Variants in SBNO2 observed in about 807,000 individuals in gnomAD.
SBNO2 encodes protein strawberry notch homolog 2.
Under a neutral mutation model 146.3 loss-of-function variants are expected in SBNO2, and 89 were observed. That is an observed-to-expected ratio of 0.61 (90% CI 0.51 to 0.73). The LOEUF (loss-of-function observed/expected upper bound fraction) is 0.73. Among genes scored for constraint, SBNO2 ranks in the 30% least tolerant of loss-of-function variants. The pLI, the probability that SBNO2 is intolerant of heterozygous loss-of-function variation, is 0.00. For synonymous variants in SBNO2, 1,147 were observed against 892.6 expected (o/e 1.29, Z -5.08); for missense variants, 2,092 against 2,003.7 (o/e 1.04, Z -0.84).
chr19:1,132,242 G>C (rs773346750), intron 4 of SBNO2: 41 of 1,302,534 alleles, frequency 3.1e-5, no homozygotes, highest in Admixed American at 4.1e-5. Context: ...GGGCGGACGG[G>C]GGCGGCTCTC....
chr19:1,172,783 C>CA (rs1173690865), intron 1 of SBNO2, among the ~76,000 whole-genome samples: 2 of 87,066 alleles, frequency 2.3e-5, no homozygotes, highest in African/African-American at 1.1e-4. Context: ...CAACCGCCCC[C>CA]CCCGCCCCGG....
intron 1 of SBNO2, among the ~76,000 whole-genome samples, chr19:1,172,786 C>T (rs865906110): frequency 1.1e-5 from 1 of 93,420 alleles, no homozygotes; most frequent in Non-Finnish European, 2.2e-5. Context: ...CCGCCCCCCC[C>T]GCCCCGGCAA....
Position 1,109,436 on chromosome 19 carries a change from G to C in SBNO2, c.3217-13C>G, listed in dbSNP as rs751306651. The stretch of plus-strand genomic sequence containing the variant: ...TGTTACCGCGGACCTGCGGAGGGGG[G>C]CGTTGAGGCCGCGCCCCGGTCCGCC... On this transcript the variant is annotated splice_polypyrimidine_tract_variant and intron_variant, in intron 28 of 31. Transcript: ENST00000361757. This position sits in a 1 kb window ranked among gnomAD's most constrained non-coding sequence, Gnocchi z 4.2. The C allele has an allele frequency of 7.7e-6, 12 of 1,563,540 alleles. No homozygotes were observed. The highest frequency in any genetic ancestry group is 1.0e-5 in the Non-Finnish European group (12 of 1,155,266).
rs567494580 is a variant in SBNO2 at position 1,110,897 on chromosome 19, G to A, written c.2885-9C>T. ...CTTGGTGATGGAACAGTCTGGTAGG[G>A]GAGGGAGCCAAGCCTCAGGCTGCGC... On this transcript the variant is annotated splice_polypyrimidine_tract_variant and intron_variant, in intron 25 of 31. Transcript: ENST00000361757. This position sits in a 1 kb window ranked among gnomAD's most constrained non-coding sequence, Gnocchi z 4.9. The A allele has an allele frequency of 9.9e-6, 16 of 1,613,164 alleles. No homozygotes were observed. The highest frequency in any genetic ancestry group is 1.4e-5 in the Non-Finnish European group (16 of 1,179,342).
At chr19:1,169,369 C>T (rs1325816060) in intron 1 of SBNO2, among the ~76,000 whole-genome samples, 1 of 152,234 alleles carries the variant, frequency 6.6e-6, no homozygotes, top group South Asian at 2.1e-4. Flanking sequence ...GACTGAGCTT[C>T]AGGGCCACGC....
At chr19:1,130,469 G>C (rs556353705) in intron 4 of SBNO2, among the ~76,000 whole-genome samples, 4 of 152,192 alleles carry the variant, frequency 2.6e-5, no homozygotes, top group African/African-American at 9.6e-5. Flanking sequence ...GCCAGCCTGG[G>C]AGACAGAGCG....
chr19:1,155,374 G>A (rs1423718479), intron 1 of SBNO2, among the ~76,000 whole-genome samples: 1 of 152,176 alleles, frequency 6.6e-6, no homozygotes, highest in Non-Finnish European at 1.5e-5. Flanking sequence ...CCAGATGGAG[G>A]TGGTCAGGCA....
intron 12 of SBNO2, 141 bp downstream of exon 12, chr19:1,119,765 A>G (rs2079877787): frequency 3.2e-6 from 3 of 941,362 alleles, no homozygotes; most frequent in Admixed American, 4.3e-5. Flanking sequence ...GCCTTGGGAC[A>G]GGCGCAGAGG....
intron 1 of SBNO2, among the ~76,000 whole-genome samples, chr19:1,166,615 GCGCACACACACACACACA>G (rs1328137849): frequency 5.1e-4 from 50 of 98,378 alleles, no homozygotes; most frequent in African/African-American, 2.0e-3. Context: ...GCAACTGCAC[GCGCACACACACACACACA>G]CACACACACA....
Position 1,118,975 on chromosome 19 carries a change from C to T in SBNO2, c.1527+36G>A, listed in dbSNP as rs372640430. 1.7e-4 allele frequency: 267 copies of T among 1,551,472 alleles called. No individual in the cohort carries two copies. In the African/African-American group the frequency reaches 2.9e-3, roughly 17 times the overall value. ...CGGGGGAGCAATTTCACCCGGGAAA[C>T]GCACAGGGGTCCCCGGGTCGGGTGC... is the stretch of plus-strand genomic sequence containing the variant. On this transcript the variant is annotated intron_variant, in intron 14 of 31. Transcript: ENST00000361757.
chr19:1,122,290 T>G lies in SBNO2; in HGVS notation c.1006-8A>C. On this transcript the variant is annotated splice_region_variant and splice_polypyrimidine_tract_variant and intron_variant, in intron 10 of 31. Transcript: ENST00000361757. ...GGTGTCACCGTACTTGATCTGGGGA[T>G]GCACAGAACAGGTGTGGAATGGGGC... 6.4e-7 allele frequency: 1 copy of G among 1,554,038 alleles called. No individual in the cohort carries two copies. Among genetic ancestry groups the G allele is most frequent in the Non-Finnish European group, 8.7e-7 (1 of 1,147,990 alleles).
At chr19:1,156,185 G>A (rs2080288315) in intron 1 of SBNO2, among the ~76,000 whole-genome samples, 2 of 152,120 alleles carry the variant, frequency 1.3e-5, no homozygotes, top group Non-Finnish European at 2.9e-5. Flanking sequence ...GGTGCTCCTG[G>A]CAGCTCCTCC....
intron 4 of SBNO2, 39 bp from the exon 5 acceptor site, chr19:1,127,804 A>G (rs766762803): frequency 6.3e-7 from 1 of 1,598,526 alleles, no homozygotes; most frequent in Non-Finnish European, 8.6e-7. Context: ...GTGGTACGGG[A>G]GACACCAAGG....
intron 2 of SBNO2, among the ~76,000 whole-genome samples, chr19:1,153,260 C>G (rs888167612): frequency 6.7e-6 from 1 of 149,838 alleles, no homozygotes; most frequent in South Asian, 2.1e-4. Flanking sequence ...CTTTTTGAGC[C>G]ACAGTTTCGC....
chr19:1,147,177 T>C (rs1182487497), intron 4 of SBNO2, 132 bp downstream of exon 4: 2 of 620,914 alleles, frequency 3.2e-6, no homozygotes, highest in Non-Finnish European at 5.6e-6. Flanking sequence ...CCGTAAACCC[T>C]GCGGCCGAGG....
chr19:1,113,837 A>T, intron 18 of SBNO2, 133 bp from the exon 19 acceptor site: 1 of 1,193,728 alleles, frequency 8.4e-7, no homozygotes. Flanking sequence ...GTGGCGGGGA[A>T]GCCCGGCACC....
rs2080222464 is a variant in SBNO2 at position 1,149,420 on chromosome 19, T to G, written c.116A>C (p.Tyr39Ser). 3.2e-6 allele frequency: 5 copies of G among 1,552,146 alleles called. No homozygotes were observed. The highest frequency in any genetic ancestry group is 3.5e-6 in the Non-Finnish European group (4 of 1,148,128). ...PLQSAMLHCP[Y>S]WNTFSLPPYP... Reference sequence around the variant, plus strand: ...TGGCGGCAGCGAGAAGGTGTTCCAGTAGGGGCAGTGCAGCATGGCGCTCTA... The same window carrying G: ...TGGCGGCAGCGAGAAGGTGTTCCAGGAGGGGCAGTGCAGCATGGCGCTCTA... Residue 39 changes from tyrosine to serine, a missense_variant, in exon 3 of 32, where the codon TAC becomes TCC. Physicochemically the swap from Tyr to Ser is moderately radical, Grantham distance 144 (BLOSUM62 -2). Coordinates refer to ENST00000361757, the MANE Select transcript of SBNO2 (RefSeq NM_014963.3).
intron 2 of SBNO2, among the ~76,000 whole-genome samples, chr19:1,152,749 C>A (rs1356962348): frequency 6.6e-6 from 1 of 152,172 alleles, no homozygotes; most frequent in South Asian, 2.1e-4. Context: ...GTGATGTTCG[C>A]CCCACAGGCC....
intron 1 of SBNO2, among the ~76,000 whole-genome samples, chr19:1,162,073 G>A (rs1320639793): frequency 6.7e-6 from 1 of 149,852 alleles, no homozygotes; most frequent in African/African-American, 2.5e-5. Flanking sequence ...AGGCTGTGGG[G>A]CTCCTTTGTG....
Sources: allele counts gnomAD v4.1 joint callset (sites outside exome capture counted in the v4.1 genomes callset), GRCh38; gene constraint gnomAD v4.1.1; non-coding constraint Gnocchi (gnomAD v3.1); transcripts MANE v1.5; gene names NCBI Gene and HGNC (gene_info 2026-07-23, HGNC 2026-07-21).